Variants in ATG7 observed in about 807,000 individuals in gnomAD.
ATG7 encodes ubiquitin-like modifier-activating enzyme ATG7.
Under a neutral mutation model 82.4 loss-of-function variants are expected in ATG7, and 70 were observed. The observed-to-expected ratio is 0.85, with a 90% CI of 0.70 to 1.04. The LOEUF is 1.04. Among genes scored for constraint, ATG7 ranks in the 50% least tolerant of loss-of-function variants. The pLI is 0.00. For synonymous variants in ATG7, 287 were observed against 313.0 expected, an observed-to-expected ratio of 0.92 and a Z score of 0.88; for missense variants, 792 against 864.3, an observed-to-expected ratio of 0.92 and a Z score of 1.05.
intron 20 of ATG7, among the ~76,000 whole-genome samples, chr3:11,535,724 G>C (rs1036914459): frequency 6.6e-6 from 1 of 152,096 alleles, no homozygotes; most frequent in Admixed American, 6.5e-5. Flanking sequence ...CGTGCGCTGG[G>C]GGGAGAACCT....
intron 20 of ATG7, among the ~76,000 whole-genome samples, chr3:11,506,554 CAAAAAAA>C (rs754696496): frequency 8.0e-5 from 2 of 24,978 alleles, no homozygotes; most frequent in African/African-American, 1.7e-4. Context: ...CCCATCTCTA[CAAAAAAA>C]AAAAAAAAAA....
chr3:11,416,397 T>A lies in ATG7; in HGVS notation c.1957-10407T>A, dbSNP rs542325843. 1.5e-4 allele frequency among the ~76,000 whole-genome samples: 23 copies of A among 152,324 alleles called. No individual in the cohort carries two copies. In the South Asian group the frequency reaches 3.5e-3, roughly 23 times the overall value. On this transcript the variant is annotated intron_variant, in intron 19 of 20. Coordinates refer to ENST00000693202, the MANE Select transcript of ATG7 (RefSeq NM_001349232.2). ...TCAATTTATTTTATAGAAATAGGCC[T>A]GTTTAGAATTTCCATTTTTTTCTTA...
rs61176051 is a variant in ATG7, at chr3:11,378,027, A to ATTTTTTTTTTTTTTTTTT, written c.1876-1944_1876-1927dup. Among the ~76,000 whole-genome samples, 385 of 92,688 alleles carry ATTTTTTTTTTTTTTTTTT rather than the reference A, an allele frequency of 4.2e-3. 71 individuals carry two copies. The highest frequency in any genetic ancestry group is 0.014 in the African/African-American group (268 of 18,696). 60.8% of individuals were successfully genotyped at this position (92,688 alleles called of 152,430 possible). On this transcript the variant is annotated intron_variant, in intron 18 of 20. Coordinates refer to ENST00000693202, the MANE Select transcript of ATG7 (RefSeq NM_001349232.2). ...GCTATCTAACTTATACCAGTTACCAATTTTTTTTTTTTTTTTTTGAGATGG... is the reference window on the plus strand; with the variant it reads ...GCTATCTAACTTATACCAGTTACCAATTTTTTTTTTTTTTTTTTTTTTTTTTTTTTTTTTTTGAGATGG...
At chr3:11,439,206 C>T (rs1272852590) in intron 20 of ATG7, among the ~76,000 whole-genome samples, 1 of 151,468 alleles carries the variant, frequency 6.6e-6, no homozygotes, top group East Asian at 1.9e-4. Flanking sequence ...GTAGCAGGGA[C>T]TACAGGCGCC....
At chr3:11,503,624 C>T (rs747852749) in intron 20 of ATG7, among the ~76,000 whole-genome samples, 23 of 151,708 alleles carry the variant, frequency 1.5e-4, no homozygotes, top group South Asian at 6.3e-4. Context: ...GGCATGGTGG[C>T]GCGTGCCTGT....
chr3:11,541,785 C>G (rs2070857127), intron 20 of ATG7, among the ~76,000 whole-genome samples: 1 of 152,184 alleles, frequency 6.6e-6, no homozygotes, highest in Non-Finnish European at 1.5e-5. Context: ...AAGTGCCTGC[C>G]TTTTTAAAGG....
intron 3 of ATG7, among the ~76,000 whole-genome samples, chr3:11,292,219 G>T (rs1003403058): frequency 6.6e-6 from 1 of 151,750 alleles, no homozygotes; most frequent in South Asian, 2.1e-4. Flanking sequence ...TAGCTGTATA[G>T]CCTTGTGTGA....
chr3:11,405,769 A>G (rs1248399419), intron 19 of ATG7, among the ~76,000 whole-genome samples: 2 of 152,040 alleles, frequency 1.3e-5, no homozygotes, highest in Admixed American at 6.6e-5. Flanking sequence ...CTGGGACTAC[A>G]AATGCATGTC....
the ATG7 span, among the ~76,000 whole-genome samples, chr3:11,573,255 G>T: frequency 0.057 from 551 of 9,634 alleles, 33 homozygotes; most frequent in Non-Finnish European, 0.063. Flanking sequence ...GAGAAAGAAA[G>T]AAAGAAAGAA....
the ATG7 span, among the ~76,000 whole-genome samples, chr3:11,571,744 T>G: frequency 2.0e-5 from 3 of 152,218 alleles, no homozygotes; most frequent in African/African-American, 4.8e-5. Flanking sequence ...ATCAACTCCA[T>G]GGACCCGGCA....
At chr3:11,494,733 G>A (rs2090673780) in intron 20 of ATG7, among the ~76,000 whole-genome samples, 1 of 152,004 alleles carries the variant, frequency 6.6e-6, no homozygotes, top group Non-Finnish European at 1.5e-5. Flanking sequence ...TAGGGCTTTG[G>A]CAGCCATTTG....
intron 20 of ATG7, among the ~76,000 whole-genome samples, chr3:11,441,040 T>G (rs1271758032): frequency 6.6e-6 from 1 of 152,104 alleles, no homozygotes; most frequent in Non-Finnish European, 1.5e-5. Flanking sequence ...ACTAGAAATA[T>G]TTATATCTTA....
At chr3:11,558,468 C>A, downstream of ATG7, 1 of 1,329,222 alleles carries the variant, frequency 7.5e-7, no homozygotes, top group Non-Finnish European at 1.0e-6. Flanking sequence ...CCCACCCCAC[C>A]CCCATGATTT....
intron 20 of ATG7, among the ~76,000 whole-genome samples, chr3:11,507,007 G>A (rs530367102): frequency 4.6e-5 from 7 of 152,282 alleles, no homozygotes; most frequent in East Asian, 1.9e-4. Flanking sequence ...CAGGCTGGGC[G>A]CAGTGGCTCA....
chr3:11,372,908 A>T (rs1226495457), intron 18 of ATG7, among the ~76,000 whole-genome samples: 2 of 151,194 alleles, frequency 1.3e-5, no homozygotes, highest in Non-Finnish European at 2.9e-5. Flanking sequence ...GGAGAATGAG[A>T]AAACAATATT....
chr3:11,390,254 T>A (rs1396462160), intron 19 of ATG7, among the ~76,000 whole-genome samples: 1 of 152,244 alleles, frequency 6.6e-6, no homozygotes, highest in Non-Finnish European at 1.5e-5. Context: ...TTGATTTTAA[T>A]CATAAGGCAC....
intron 19 of ATG7, among the ~76,000 whole-genome samples, chr3:11,412,384 A>G (rs542171993): frequency 1.7e-4 from 26 of 152,124 alleles, no homozygotes. Flanking sequence ...TCCAAAAACA[A>G]CTATCTGTGG....
At chr3:11,393,685 GT>G (rs11371718) in intron 19 of ATG7, among the ~76,000 whole-genome samples, 82 of 149,804 alleles carry the variant, frequency 5.5e-4, no homozygotes, top group African/African-American at 1.4e-3. Flanking sequence ...AGTTTTGTAG[GT>G]TTTTTTTTTC....
the ATG7 span, chr3:11,564,728 G>A: frequency 9.0e-6 from 13 of 1,442,788 alleles, no homozygotes; most frequent in Admixed American, 2.7e-4. Flanking sequence ...CCTCTGCTCG[G>A]GGCTCTCCAT....
Sources: allele counts gnomAD v4.1 joint callset (sites outside exome capture counted in the v4.1 genomes callset), GRCh38; gene constraint gnomAD v4.1.1; transcripts MANE v1.5; gene names NCBI Gene and HGNC (gene_info 2026-07-23, HGNC 2026-07-21).